The following ROBO2 variants were observed in gnomAD, a reference collection of about 807,000 sequenced individuals.
ROBO2 encodes the protein roundabout guidance receptor 2, also known as roundabout homolog 2.
ROBO2 carries 53 observed loss-of-function variants against 160.8 expected under a neutral mutation model. The ratio of observed to expected loss-of-function variants is 0.33; its 90% confidence interval spans 0.26 to 0.41. The LOEUF (loss-of-function observed/expected upper bound fraction) is 0.41. ROBO2 is among the 10% of genes least tolerant of loss of function. ROBO2 has a pLI of 1.00. For synonymous variants in ROBO2, 664 were observed against 611.7 expected (o/e 1.09, Z -1.26); for missense variants, 1,577 against 1,722.4 (o/e 0.92, Z 1.49).
At chr3:76,632,276 C>G (rs1357797193) in intron 2 of ROBO2, among the ~76,000 whole-genome samples, 1 of 152,216 alleles carries the variant, frequency 6.6e-6, no homozygotes, top group Admixed American at 6.5e-5. Flanking sequence ...TCACTGAGCA[C>G]TTGGCAAATA....
intron 2 of ROBO2, among the ~76,000 whole-genome samples, chr3:76,135,178 C>T (rs1052704545): frequency 2.0e-5 from 3 of 151,984 alleles, no homozygotes; most frequent in Admixed American, 6.6e-5. Flanking sequence ...TTGGCCAGAA[C>T]GCAGTCACAT....
At chr3:77,525,033 GA>G (rs936350334) in intron 6 of ROBO2, among the ~76,000 whole-genome samples, 3 of 150,310 alleles carry the variant, frequency 2.0e-5, no homozygotes, top group Admixed American at 6.6e-5. Flanking sequence ...AGATTAACAG[GA>G]AAAAAAAGAC....
intron 2 of ROBO2, among the ~76,000 whole-genome samples, chr3:76,004,956 A>G (rs1478505049): frequency 3.3e-5 from 5 of 152,144 alleles, no homozygotes; most frequent in Non-Finnish European, 7.4e-5. Flanking sequence ...GTGGGGCCCA[A>G]TGGGAGGTGT....
intron 2 of ROBO2, among the ~76,000 whole-genome samples, chr3:76,497,365 T>C (rs903768883): frequency 2.6e-5 from 4 of 152,030 alleles, no homozygotes; most frequent in African/African-American, 9.7e-5. Flanking sequence ...CAGGCTAATT[T>C]TGTTTAATTT....
chr3:77,165,870 C>T (rs2079030429), intron 2 of ROBO2, among the ~76,000 whole-genome samples: 2 of 152,140 alleles, frequency 1.3e-5, no homozygotes, highest in African/African-American at 4.8e-5. Context: ...CCCAACTTTT[C>T]TATTTTTAAA....
chr3:77,452,058 T>C (rs930100749), intron 2 of ROBO2, among the ~76,000 whole-genome samples: 27 of 152,174 alleles, frequency 1.8e-4, no homozygotes, highest in Admixed American at 3.3e-4. Context: ...CTGAGAGTGA[T>C]GGTTTCCAGC....
chr3:77,170,678 A>G (rs955978201), intron 2 of ROBO2, among the ~76,000 whole-genome samples: 1 of 152,170 alleles, frequency 6.6e-6, no homozygotes, highest in African/African-American at 2.4e-5. Flanking sequence ...AGAATCGCTT[A>G]GCTTTTAAAG....
At chr3:76,952,539 C>A (rs1202626979) in intron 2 of ROBO2, among the ~76,000 whole-genome samples, 2 of 152,166 alleles carry the variant, frequency 1.3e-5, no homozygotes, top group African/African-American at 2.4e-5. Context: ...GCCTCGGCCT[C>A]CCAAAGTGCT....
chr3:76,236,406 C>T (rs1306247962), intron 2 of ROBO2, among the ~76,000 whole-genome samples: 1 of 151,986 alleles, frequency 6.6e-6, no homozygotes. Context: ...AAAGTGCAGA[C>T]TGAAATAAAT....
At position 76,482,533 on chromosome 3, in the gene ROBO2, T is replaced by C. The variant is rs149935448; in HGVS notation, c.109+544931T>C. Among the ~76,000 whole-genome samples the C allele has an allele frequency of 4.1e-3, 625 of 152,286 alleles. 6 individuals are homozygous for C. Among genetic ancestry groups the C allele is most frequent in the African/African-American group, 0.014 (601 of 41,570 alleles). On this transcript the variant is annotated intron_variant, in intron 2 of 26. Transcript: ENST00000487694. Reference sequence around the variant, plus strand: ...TTTTAATGCAATTTTCTTTTACTGATCACAGTCGTAGATTTTCCAAAAGGT... The same window carrying C: ...TTTTAATGCAATTTTCTTTTACTGACCACAGTCGTAGATTTTCCAAAAGGT...
At chr3:77,432,229 G>A (rs368009330) in intron 2 of ROBO2, among the ~76,000 whole-genome samples, 32 of 152,202 alleles carry the variant, frequency 2.1e-4, no homozygotes, top group African/African-American at 7.5e-4. Context: ...ATTTACAGAA[G>A]TTTATAGGAA....
intron 2 of ROBO2, among the ~76,000 whole-genome samples, chr3:76,391,525 T>C (rs1233155502): frequency 6.6e-6 from 1 of 152,254 alleles, no homozygotes; most frequent in Non-Finnish European, 1.5e-5. Flanking sequence ...GTGATACTTT[T>C]TTTTTTTTGA....
intron 2 of ROBO2, among the ~76,000 whole-genome samples, chr3:77,335,326 G>A (rs2066383491): frequency 1.3e-5 from 2 of 152,130 alleles, no homozygotes; most frequent in South Asian, 4.1e-4. Flanking sequence ...AGAATCGCTT[G>A]AACCCGGGAG....
At chr3:77,470,688 A>G (rs2083267272) in intron 2 of ROBO2, among the ~76,000 whole-genome samples, 1 of 152,230 alleles carries the variant, frequency 6.6e-6, no homozygotes, top group Non-Finnish European at 1.5e-5. Flanking sequence ...GAAAATCAGC[A>G]CATAATTACA....
At chr3:76,447,827 G>T (rs1382383117) in intron 2 of ROBO2, among the ~76,000 whole-genome samples, 1 of 146,326 alleles carries the variant, frequency 6.8e-6, no homozygotes, top group African/African-American at 2.5e-5. Flanking sequence ...TCACTCATAG[G>T]TGGGAATTGA....
chr3:77,315,069 T>C (rs2063859052), intron 2 of ROBO2, among the ~76,000 whole-genome samples: 1 of 152,104 alleles, frequency 6.6e-6, no homozygotes, highest in Non-Finnish European at 1.5e-5. Flanking sequence ...GAAAGCTGGA[T>C]CACATTACTG....
chr3:76,812,182 T>A (rs192528772), intron 2 of ROBO2, among the ~76,000 whole-genome samples: 9 of 152,012 alleles, frequency 5.9e-5, no homozygotes. Context: ...CTCATTTTTT[T>A]AGTAAGGGAG....
In ROBO2 at chr3:77,294,591, G is replaced by A. The variant is rs191798110; in HGVS notation, c.389-182823G>A. 1.2e-3 allele frequency among the ~76,000 whole-genome samples: 183 copies of A among 146,426 alleles called. 6 individuals are homozygous for A. Among genetic ancestry groups the A allele is most frequent in the Non-Finnish European group, 2.3e-3 (156 of 67,110 alleles). On this transcript the variant is annotated intron_variant, in intron 2 of 25. Coordinates refer to ENST00000461745, the Ensembl canonical transcript of ROBO2. The stretch of plus-strand genomic sequence containing the variant: ...TTGACGGTTAAACAGGTAAGCTGAG[G>A]CTAGATCATCAAAGACATAAAGTAA...
chr3:76,210,517 A>C (rs1703075347), intron 2 of ROBO2, among the ~76,000 whole-genome samples: 1 of 152,064 alleles, frequency 6.6e-6, no homozygotes, highest in Non-Finnish European at 1.5e-5. Context: ...TATTAAGTGT[A>C]AAAAAATTTG....
Sources: gnomAD v4.1 joint callset for allele counts (sites outside exome capture counted in the v4.1 genomes callset) on GRCh38, gnomAD v4.1.1 for gene constraint, MANE v1.5 for transcripts, NCBI Gene and HGNC (gene_info 2026-07-23, HGNC 2026-07-21) for gene names.